SSBP3: variants seen among roughly 807,000 people sequenced by gnomAD.
The protein encoded by SSBP3 is single-stranded DNA-binding protein 3.
Under a neutral mutation model 69.6 loss-of-function variants are expected in SSBP3, and 5 were observed. That is an observed-to-expected ratio of 0.07 (90% confidence interval 0.04 to 0.15). The LOEUF (loss-of-function observed/expected upper bound fraction) is 0.15. Ranked by LOEUF, SSBP3 falls within the 10% of genes least tolerant of loss-of-function variation. The pLI is 1.00. For missense variants in SSBP3, 312 were observed against 534.0 expected, an observed-to-expected ratio of 0.58 and a Z score of 4.10; for synonymous variants, 196 against 193.4, an observed-to-expected ratio of 1.01 and a Z score of -0.11.
chr1:54,382,894 A>G (rs570238076), intron 4 of SSBP3, among the ~76,000 whole-genome samples: 10 of 151,120 alleles, frequency 6.6e-5, no homozygotes, highest in African/African-American at 2.2e-4. Context: ...CTAAGGCAGG[A>G]GAATCACTTG....
chr1:54,392,672 A>T (rs1295651550), intron 4 of SSBP3, among the ~76,000 whole-genome samples: 1 of 152,194 alleles, frequency 6.6e-6, no homozygotes, highest in African/African-American at 2.4e-5. Flanking sequence ...CCTGGGCAGG[A>T]ATCAAATCCT....
chr1:54,228,609 G>T lies in SSBP3; in HGVS notation c.1007-132C>A, dbSNP rs542007851. 12 of 1,477,636 alleles carry T rather than the reference G, an allele frequency of 8.1e-6. No individual in the cohort carries two copies. The East Asian group carries it at 2.9e-4, about 36-fold the overall frequency. 91.5% of individuals were successfully genotyped at this position (1,477,636 alleles called of 1,614,324 possible). On this transcript the variant is annotated intron_variant, in intron 15 of 17. Coordinates refer to ENST00000610401, the Ensembl canonical transcript of SSBP3. The stretch of plus-strand genomic sequence containing the variant: ...ACACTGTGCGGAGGGCTTTCTGTGC[G>T]GCATCCCTCTCAGGATCGTCCTGTG...
intron 6 of SSBP3, among the ~76,000 whole-genome samples, chr1:54,257,634 G>A (rs1644945368): frequency 6.6e-6 from 1 of 152,132 alleles, no homozygotes; most frequent in South Asian, 2.1e-4. Flanking sequence ...AGAGAGGGGA[G>A]CAAGGACTGG....
At chr1:54,295,247 G>A (rs545754783) in intron 4 of SSBP3, among the ~76,000 whole-genome samples, 5 of 152,234 alleles carry the variant, frequency 3.3e-5, no homozygotes, top group East Asian at 1.9e-4. Context: ...TGCTGATCAC[G>A]TCCTGGGAAT....
At chr1:54,321,877 G>A (rs971606112) in intron 4 of SSBP3, among the ~76,000 whole-genome samples, 54 of 152,228 alleles carry the variant, frequency 3.5e-4, no homozygotes, top group Non-Finnish European at 1.8e-4. Context: ...ACAAAGTAAG[G>A]AGGTTCAGTG....
intron 4 of SSBP3, among the ~76,000 whole-genome samples, chr1:54,320,699 T>G (rs1033513456): frequency 3.9e-5 from 6 of 151,934 alleles, no homozygotes; most frequent in Non-Finnish European, 8.8e-5. Context: ...ATCATCCAGG[T>G]GCTAGGAACT....
chr1:54,374,781 C>A (rs1647189540), intron 4 of SSBP3, among the ~76,000 whole-genome samples: 1 of 152,190 alleles, frequency 6.6e-6, no homozygotes, highest in African/African-American at 2.4e-5. Context: ...CCACCTAATC[C>A]AACGTGAGAT....
intron 4 of SSBP3, among the ~76,000 whole-genome samples, chr1:54,362,866 A>G (rs944919670): frequency 6.6e-6 from 1 of 152,130 alleles, no homozygotes; most frequent in Non-Finnish European, 1.5e-5. Flanking sequence ...TCTCTCCCAG[A>G]TAACGGCGAG....
intron 4 of SSBP3, among the ~76,000 whole-genome samples, chr1:54,305,078 T>C (rs1645874639): frequency 6.6e-6 from 1 of 152,210 alleles, no homozygotes; most frequent in Non-Finnish European, 1.5e-5. Flanking sequence ...AGACCATGTA[T>C]GCCTGGCGGG....
chr1:54,256,075 A>T (rs1292569328), intron 7 of SSBP3, among the ~76,000 whole-genome samples: 3 of 139,970 alleles, frequency 2.1e-5, no homozygotes, highest in Non-Finnish European at 4.7e-5. Flanking sequence ...GACTCCGGTT[A>T]AAAAAAAAAA....
chr1:54,342,325 C>A (rs532022014), intron 4 of SSBP3, among the ~76,000 whole-genome samples: 20 of 152,344 alleles, frequency 1.3e-4, no homozygotes, highest in African/African-American at 4.6e-4. Context: ...GGCCTTCTTA[C>A]GGTCAGGTTA....
chr1:54,399,025 G>C (rs1483098033), intron 4 of SSBP3, among the ~76,000 whole-genome samples: 1 of 152,180 alleles, frequency 6.6e-6, no homozygotes, highest in African/African-American at 2.4e-5. Context: ...TTGTTCGAGA[G>C]CACCCGCAAC....
chr1:54,262,392 C>T (rs1450038142), intron 5 of SSBP3, among the ~76,000 whole-genome samples: 1 of 152,128 alleles, frequency 6.6e-6, no homozygotes, highest in African/African-American at 2.4e-5. Flanking sequence ...CTGCGAGCAG[C>T]ACCTCCGTGT....
At chr1:54,387,141 G>A (rs920784739) in intron 4 of SSBP3, among the ~76,000 whole-genome samples, 3 of 152,176 alleles carry the variant, frequency 2.0e-5, no homozygotes, top group East Asian at 1.9e-4. Context: ...TTACTCACAC[G>A]TGCTAGTGTC....
chr1:54,329,093 G>A (rs915277423), intron 4 of SSBP3, among the ~76,000 whole-genome samples: 2 of 151,148 alleles, frequency 1.3e-5, no homozygotes, highest in Non-Finnish European at 3.0e-5. Context: ...CCTCAAAACA[G>A]AGAAAAGAAA....
chr1:54,338,064 G>A (rs1646541376), intron 4 of SSBP3, among the ~76,000 whole-genome samples: 1 of 152,232 alleles, frequency 6.6e-6, no homozygotes, highest in Non-Finnish European at 1.5e-5. Flanking sequence ...GACATCATGT[G>A]TGTATATTAC....
At chr1:54,357,102 G>C (rs1196286699) in intron 4 of SSBP3, among the ~76,000 whole-genome samples, 2 of 152,158 alleles carry the variant, frequency 1.3e-5, no homozygotes, top group African/African-American at 4.8e-5. Context: ...GGGAGGGAGG[G>C]AAGACAGGAA....
intron 9 of SSBP3, among the ~76,000 whole-genome samples, chr1:54,251,343 G>C (rs542024186): frequency 6.6e-6 from 1 of 152,276 alleles, no homozygotes; most frequent in African/African-American, 2.4e-5. Flanking sequence ...ACCCCAAAAG[G>C]GTCTGCCAAC....
At chr1:54,391,892 T>A (rs937956212) in intron 4 of SSBP3, among the ~76,000 whole-genome samples, 8 of 151,906 alleles carry the variant, frequency 5.3e-5, no homozygotes, top group African/African-American at 1.9e-4. Context: ...CCCACCCACC[T>A]CAATCACAGA....
Sources: gnomAD v4.1 joint callset for allele counts (sites outside exome capture counted in the v4.1 genomes callset) on GRCh38, gnomAD v4.1.1 for gene constraint, MANE v1.5 for transcripts, NCBI Gene and HGNC (gene_info 2026-07-23, HGNC 2026-07-21) for gene names.